LINGO2: variants seen among roughly 807,000 people sequenced by gnomAD.
LINGO2 encodes the protein leucine rich repeat and Ig domain containing 2.
In LINGO2, 14 loss-of-function variants were observed where a neutral mutation model predicts 30.6. The observed-to-expected ratio is 0.46, with a 90% CI of 0.30 to 0.72. LINGO2 has a LOEUF of 0.72. Ranked by LOEUF, LINGO2 falls within the 30% of genes least tolerant of loss-of-function variation. The probability of loss-of-function intolerance (pLI) is 0.07; values close to 1 mark genes in which losing one functional copy is unlikely to be tolerated. For synonymous variants in LINGO2, 317 were observed against 288.5 expected (o/e 1.10, Z -1.00); for missense variants, 729 against 751.7 (o/e 0.97, Z 0.35).
At chr9:28,014,564 T>TAAAA (rs376859550) in intron 4 of LINGO2, among the ~76,000 whole-genome samples, 1 of 78,944 alleles carries the variant, frequency 1.3e-5, no homozygotes, top group Non-Finnish European at 2.6e-5. Context: ...TTATCCAGGA[T>TAAAA]AAGACAATTA....
chr9:28,861,305 A>G, the LINGO2 span, among the ~76,000 whole-genome samples: 1 of 127,940 alleles, frequency 7.8e-6, no homozygotes, highest in Non-Finnish European at 1.6e-5. Context: ...TATATTATAT[A>G]TTTTATATAA....
At chr9:28,808,561 A>G in the LINGO2 span, among the ~76,000 whole-genome samples, 1 of 152,188 alleles carries the variant, frequency 6.6e-6, no homozygotes, top group African/African-American at 2.4e-5. Flanking sequence ...CACTGGACTT[A>G]CAATTTTATA....
chr9:29,138,035 T>G, the LINGO2 span, among the ~76,000 whole-genome samples: 1 of 152,014 alleles, frequency 6.6e-6, no homozygotes, highest in South Asian at 2.1e-4. Context: ...TTCTCTTTTT[T>G]TATTAATCTA....
At chr9:28,234,226 G>A (rs181644639) in intron 4 of LINGO2, among the ~76,000 whole-genome samples, 8 of 152,230 alleles carry the variant, frequency 5.3e-5, no homozygotes, top group Admixed American at 3.9e-4. Flanking sequence ...CCGAGTTCCA[G>A]GCCTGGCAGC....
the LINGO2 span, among the ~76,000 whole-genome samples, chr9:29,014,535 C>A: frequency 6.6e-6 from 1 of 152,008 alleles, no homozygotes. Flanking sequence ...AGAAAAAAAA[C>A]TTAGATAAAG....
chr9:28,569,623 G>T (rs1823572488), intron 1 of LINGO2, among the ~76,000 whole-genome samples: 1 of 119,508 alleles, frequency 8.4e-6, no homozygotes, highest in Non-Finnish European at 1.7e-5. Context: ...ACCAGGGGCT[G>T]GGGGGTAGAA....
At chr9:28,186,278 A>T (rs1213732174) in intron 4 of LINGO2, among the ~76,000 whole-genome samples, 1 of 152,168 alleles carries the variant, frequency 6.6e-6, no homozygotes, top group Non-Finnish European at 1.5e-5. Flanking sequence ...ATTTCTAAAG[A>T]GGCGCTGATT....
At chr9:28,958,046 T>A in the LINGO2 span, among the ~76,000 whole-genome samples, 15 of 152,312 alleles carry the variant, frequency 9.8e-5, no homozygotes, top group Middle Eastern at 0.01. Context: ...CAGATCTAGG[T>A]TTGTCTGATT....
chr9:28,923,820 A>C, the LINGO2 span, among the ~76,000 whole-genome samples: 1 of 152,288 alleles, frequency 6.6e-6, no homozygotes, highest in Middle Eastern at 3.4e-3. Flanking sequence ...GCCAATTATT[A>C]ACTAGTGAGT....
At chr9:29,071,154 T>TTATTTTATTGTATTG in the LINGO2 span, among the ~76,000 whole-genome samples, 13 of 137,752 alleles carry the variant, frequency 9.4e-5, no homozygotes, top group Non-Finnish European at 1.9e-4. Context: ...TCACAGAGAA[T>TTATTTTATTGTATTG]TATTGTATTG....
intron 4 of LINGO2, among the ~76,000 whole-genome samples, chr9:28,267,264 A>ATT (rs78720683): frequency 6.6e-6 from 1 of 150,476 alleles, no homozygotes; most frequent in African/African-American, 2.4e-5. Flanking sequence ...CAATACCACC[A>ATT]TTTTTTTTTC....
rs1823166369 is a variant in LINGO2, at chr9:28,022,289, C to T, written c.-86-9884G>A. 3.9e-5 allele frequency among the ~76,000 whole-genome samples: 6 copies of T among 152,168 alleles called. No homozygotes were observed. The South Asian group carries it at 8.3e-4, about 21-fold the overall frequency. On this transcript the variant is annotated intron_variant, in intron 4 of 5. Transcript: ENST00000379992. ...TGACATTGCTATCATTCATTTCACT[C>T]GTCCTATCTTCTATAATCACTCAAT...
chr9:28,911,911 C>A, the LINGO2 span, among the ~76,000 whole-genome samples: 1 of 152,076 alleles, frequency 6.6e-6, no homozygotes, highest in Non-Finnish European at 1.5e-5. Flanking sequence ...GAGACAGTTT[C>A]ATCTTACTCA....
At chr9:29,102,419 A>T in the LINGO2 span, among the ~76,000 whole-genome samples, 1 of 152,162 alleles carries the variant, frequency 6.6e-6, no homozygotes, top group Non-Finnish European at 1.5e-5. Flanking sequence ...CTGTTTGCAT[A>T]ATTTTAGCTC....
At chr9:28,979,657 G>A in the LINGO2 span, among the ~76,000 whole-genome samples, 1 of 151,900 alleles carries the variant, frequency 6.6e-6, no homozygotes, top group Admixed American at 6.6e-5. Context: ...GCGGGACTAT[G>A]CCATACTCAT....
At chr9:28,015,060 T>A (rs1466609012) in intron 4 of LINGO2, among the ~76,000 whole-genome samples, 1 of 152,100 alleles carries the variant, frequency 6.6e-6, no homozygotes, top group Non-Finnish European at 1.5e-5. Flanking sequence ...ATAGCAAAGT[T>A]GTGTCTCAAA....
chr9:28,736,693 G>C, the LINGO2 span, among the ~76,000 whole-genome samples: 2 of 152,098 alleles, frequency 1.3e-5, no homozygotes, highest in East Asian at 1.9e-4. Flanking sequence ...TTGCGGGGCT[G>C]AGGCAGGAGA....
At chr9:28,754,627 T>C in the LINGO2 span, among the ~76,000 whole-genome samples, 1 of 151,722 alleles carries the variant, frequency 6.6e-6, no homozygotes, top group Admixed American at 6.6e-5. Flanking sequence ...TGTTTATCTG[T>C]TTCTGTCCTT....
intron 1 of LINGO2, among the ~76,000 whole-genome samples, chr9:28,556,222 G>C (rs1041412279): frequency 6.6e-6 from 1 of 152,024 alleles, no homozygotes; most frequent in Non-Finnish European, 1.5e-5. Flanking sequence ...GTTTGCAGAC[G>C]ACATGATTGT....
Sources: gnomAD v4.1 joint callset for allele counts (sites outside exome capture counted in the v4.1 genomes callset) on GRCh38, gnomAD v4.1.1 for gene constraint, MANE v1.5 for transcripts, NCBI Gene and HGNC (gene_info 2026-07-23, HGNC 2026-07-21) for gene names.